The following JKAMP variants were observed in gnomAD, a reference collection of about 807,000 sequenced individuals.
The protein encoded by JKAMP is JNK1/MAPK8-associated membrane protein.
Under a neutral mutation model 40.2 loss-of-function variants are expected in JKAMP, and 20 were observed. The observed-to-expected ratio is 0.50, with a 90% confidence interval of 0.35 to 0.72. JKAMP has a LOEUF of 0.72. JKAMP is among the 30% of genes least tolerant of loss of function. JKAMP has a pLI of 0.01. For synonymous variants in JKAMP, 138 were observed against 131.6 expected (o/e 1.05, Z -0.33); for missense variants, 276 against 373.0 (o/e 0.74, Z 2.14).
chr14:59,492,079 G>A (rs772659266), intron 3 of JKAMP, among the ~76,000 whole-genome samples: 2 of 152,124 alleles, frequency 1.3e-5, no homozygotes, highest in Non-Finnish European at 2.9e-5. Context: ...ATATATTTAT[G>A]CTCTGAGAGG....
intron 3 of JKAMP, among the ~76,000 whole-genome samples, chr14:59,493,671 A>G (rs1426260642): frequency 6.6e-6 from 1 of 152,240 alleles, no homozygotes; most frequent in African/African-American, 2.4e-5. Context: ...CAGTACAAGT[A>G]CTGTGACATA....
chr14:59,494,870 C>A lies in JKAMP; in HGVS notation c.252-148C>A. 4 of 618,136 alleles carry A rather than the reference C, an allele frequency of 6.5e-6. No individual in the cohort carries two copies. In the East Asian group the frequency reaches 1.1e-4, roughly 17 times the overall value. 38.3% of individuals were successfully genotyped at this position (618,136 alleles called of 1,614,324 possible). A position where few individuals can be genotyped will look rare whatever the true frequency, so the allele number is the denominator to read the frequency against. ...ATAATACTGCTACAGTGTTATTTAT[C>A]CCTTTTGAGAAAAAAAGGTTATACT... is the stretch of plus-strand genomic sequence containing the variant. On this transcript the variant is annotated intron_variant, in intron 3 of 6. Coordinates refer to ENST00000616435, the MANE Select transcript of JKAMP (RefSeq NM_016475.5).
At chr14:59,500,409 C>T (rs927607404) in intron 5 of JKAMP, among the ~76,000 whole-genome samples, 6 of 151,940 alleles carry the variant, frequency 3.9e-5, no homozygotes, top group African/African-American at 1.5e-4. Flanking sequence ...TCAATTTGTC[C>T]ATTTATTTTA....
intron 3 of JKAMP, among the ~76,000 whole-genome samples, chr14:59,493,889 AGACAAT>A (rs1891222943): frequency 6.6e-6 from 1 of 152,238 alleles, no homozygotes; most frequent in Non-Finnish European, 1.5e-5. Flanking sequence ...CCCAAAACAC[AGACAAT>A]TATATATGAA....
chr14:59,486,822 A>G lies in JKAMP; in HGVS notation c.96+18A>G, dbSNP rs767654522. The G allele has an allele frequency of 7.1e-7, 1 of 1,404,002 alleles. No homozygotes were observed. Among genetic ancestry groups the G allele is most frequent in the Non-Finnish European group, 9.8e-7 (1 of 1,017,390 alleles). The allele number at this position is 1,404,002 out of a possible 1,614,324, so 87.0% of individuals were successfully genotyped here. ...AATGTGGGGTAAGTCTTATGTTTGT[A>G]TCTTATTTCATTTTGTAAAATCTAT... On this transcript the variant is annotated intron_variant, in intron 2 of 6. Coordinates refer to ENST00000616435, the MANE Select transcript of JKAMP (RefSeq NM_016475.5).
Position 59,505,021 on chromosome 14 carries a change from C to G in JKAMP, c.*949C>G. ...AGACTCATGGTTGCAACCATGGAAG[C>G]AAAATGAAATTTTTAGCTCTTAACC... On this transcript the variant is annotated 3_prime_UTR_variant, in exon 7 of 7. Coordinates refer to ENST00000616435, the MANE Select transcript of JKAMP (RefSeq NM_016475.5). 2.9e-6 allele frequency: 1 copy of G among 347,684 alleles called. No homozygotes were observed. The highest frequency in any genetic ancestry group is 5.2e-6 in the Non-Finnish European group (1 of 191,114). The allele number at this position is 347,684 out of a possible 1,614,324, so 21.5% of individuals were successfully genotyped here.
At chr14:59,496,633 T>C (rs1291906832) in intron 4 of JKAMP, among the ~76,000 whole-genome samples, 1 of 152,210 alleles carries the variant, frequency 6.6e-6, no homozygotes, top group African/African-American at 2.4e-5. Flanking sequence ...TTCTAATTTA[T>C]TGTAGCACTT....
chr14:59,497,127 T>C (rs1891511119), intron 4 of JKAMP, among the ~76,000 whole-genome samples: 4 of 151,910 alleles, frequency 2.6e-5, no homozygotes, highest in Admixed American at 2.6e-4. Flanking sequence ...TTCTTACAAA[T>C]TGAAAAATAC....
At chr14:59,484,724 C>T (rs1890382533) in intron 1 of JKAMP, 131 bp downstream of exon 1, 4 of 1,196,418 alleles carry the variant, frequency 3.3e-6, no homozygotes, top group Non-Finnish European at 4.8e-6. Flanking sequence ...TGACCCCGCC[C>T]GCCCTCGGGC....
chr14:59,494,121 G>GGTGTGT (rs55831018), intron 3 of JKAMP, among the ~76,000 whole-genome samples: 5,824 of 150,962 alleles, frequency 0.039, 340 homozygotes, highest in African/African-American at 0.13. Context: ...AGAAAATTTG[G>GGTGTGT]GTGTGTGTGT....
chr14:59,487,514 TTC>T (rs2139858712), intron 2 of JKAMP, 158 bp from the exon 3 acceptor site: 1 of 557,676 alleles, frequency 1.8e-6, no homozygotes, highest in Admixed American at 3.1e-5. Flanking sequence ...CAATATAGAT[TTC>T]TTTTTATTTT....
intron 3 of JKAMP, among the ~76,000 whole-genome samples, chr14:59,493,952 G>A (rs1891226858): frequency 2.0e-5 from 3 of 152,260 alleles, no homozygotes; most frequent in South Asian, 4.1e-4. Flanking sequence ...GGAAGGTAGG[G>A]GTGGGAAGGA....
At chr14:59,496,079 T>A (rs894039811) in intron 4 of JKAMP, among the ~76,000 whole-genome samples, 2 of 152,156 alleles carry the variant, frequency 1.3e-5, no homozygotes, top group African/African-American at 4.8e-5. Context: ...AATTTTTGTA[T>A]TTTTAGTAGA....
rs985712123 is a variant in JKAMP, at chr14:59,504,272, A to C, written c.*200A>C. 36 of 579,118 alleles carry C rather than the reference A, an allele frequency of 6.2e-5. No homozygotes were observed. In the South Asian group the frequency reaches 7.5e-4, roughly 12 times the overall value. The allele number at this position is 579,118 out of a possible 1,614,324, so 35.9% of individuals were successfully genotyped here. ...GCAAAACTCTGTAATACTCTGTTAC[A>C]CAGGGTAATATTATCTGCTACACTG... is the stretch of plus-strand genomic sequence containing the variant. On this transcript the variant is annotated 3_prime_UTR_variant, in exon 7 of 7. Transcript: ENST00000616435.
chr14:59,503,249 G>A (rs1024080816), intron 6 of JKAMP, among the ~76,000 whole-genome samples: 4 of 152,136 alleles, frequency 2.6e-5, no homozygotes, highest in African/African-American at 9.7e-5. Context: ...ATAAGAGAAA[G>A]TTAGTAACTA....
chr14:59,492,902 A>G (rs1157141310), intron 3 of JKAMP, among the ~76,000 whole-genome samples: 1 of 149,164 alleles, frequency 6.7e-6, no homozygotes, highest in Non-Finnish European at 1.5e-5. Flanking sequence ...GGTTCACGTC[A>G]TTCTCCTGCC....
At chr14:59,494,336 C>G (rs1182659296) in intron 3 of JKAMP, among the ~76,000 whole-genome samples, 1 of 152,126 alleles carries the variant, frequency 6.6e-6, no homozygotes, top group Admixed American at 6.5e-5. Context: ...ATAAACAAAT[C>G]ACAGTATTGT....
Position 59,495,192 on chromosome 14 carries a change from A to G in JKAMP, c.426A>G (p.Thr142=). Reference sequence around the variant, plus strand: ...ACCCAAGTCCAGATTACGTTACCACAGTACACTGTACTCATGAAGCCGTCT... The same window carrying G: ...ACCCAAGTCCAGATTACGTTACCACGGTACACTGTACTCATGAAGCCGTCT... ...LYNPSPDYVT[T]VHCTHEAVYP... The change falls in exon 4 of 7, where the codon ACA becomes ACG. Residue 142 remains threonine, a synonymous_variant. Coordinates refer to ENST00000616435, the MANE Select transcript of JKAMP (RefSeq NM_016475.5). The G allele has an allele frequency of 6.2e-7, 1 of 1,613,212 alleles. No homozygotes were observed. The highest frequency in any genetic ancestry group is 8.5e-7 in the Non-Finnish European group (1 of 1,179,150).
At chr14:59,486,337 A>T (rs1327444454) in intron 1 of JKAMP, among the ~76,000 whole-genome samples, 2 of 152,346 alleles carry the variant, frequency 1.3e-5, no homozygotes, top group East Asian at 3.9e-4. Flanking sequence ...TGACTGGGCA[A>T]AATACAAGGT....
Sources: allele counts gnomAD v4.1 joint callset (sites outside exome capture counted in the v4.1 genomes callset), GRCh38; gene constraint gnomAD v4.1.1; transcripts MANE v1.5; gene names NCBI Gene and HGNC (gene_info 2026-07-23, HGNC 2026-07-21).